TENM4: variants seen among roughly 807,000 people sequenced by gnomAD.
TENM4 encodes teneurin transmembrane protein 4, also known as teneurin-4.
TENM4 carries 82 observed loss-of-function variants against 243.3 expected under a neutral mutation model. The ratio of observed to expected loss-of-function variants is 0.34; its 90% CI spans 0.28 to 0.40. The LOEUF is 0.40. TENM4 is among the 10% of genes least tolerant of loss of function. The pLI is 1.00. For missense variants in TENM4, 3,138 were observed against 3,673.3 expected (o/e 0.85, Z 3.77); for synonymous variants, 1,412 against 1,456.3 (o/e 0.97, Z 0.69).
chr11:79,022,167 C>T (rs536038297), intron 6 of TENM4, among the ~76,000 whole-genome samples: 1 of 152,176 alleles, frequency 6.6e-6, no homozygotes, highest in South Asian at 2.1e-4. Context: ...TCACATCAGG[C>T]ACTGTGTTTC....
intron 7 of TENM4, among the ~76,000 whole-genome samples, chr11:78,900,524 G>A (rs1197947303): frequency 6.6e-6 from 1 of 152,174 alleles, no homozygotes; most frequent in Non-Finnish European, 1.5e-5. Context: ...TCCACAGGGT[G>A]GATATGGAGA....
At chr11:79,433,095 C>T (rs763089770) in intron 1 of TENM4, among the ~76,000 whole-genome samples, 1 of 152,096 alleles carries the variant, frequency 6.6e-6, no homozygotes, top group South Asian at 2.1e-4. Flanking sequence ...TGGGCACATC[C>T]CTTTATAGTG....
intron 1 of TENM4, among the ~76,000 whole-genome samples, chr11:79,425,574 T>C (rs568218371): frequency 6.6e-6 from 1 of 152,322 alleles, no homozygotes; most frequent in Admixed American, 6.5e-5. Context: ...ATTCAAATCC[T>C]GGCAACACTA....
intron 3 of TENM4, among the ~76,000 whole-genome samples, chr11:79,171,822 T>C (rs1328967918): frequency 6.6e-6 from 1 of 152,256 alleles, no homozygotes; most frequent in Non-Finnish European, 1.5e-5. Flanking sequence ...ATTTTCCATT[T>C]ACTGTTTTTC....
In TENM4 at chr11:79,148,809, G is replaced by A. The variant is rs1214996032; in HGVS notation, c.-162-3C>T. ...GACACATGGTAATTTCAGTCTACCT[G>A]TTGAAAGAGACAAGAGACAAATCAG... is the stretch of plus-strand genomic sequence containing the variant. On this transcript the variant is annotated splice_region_variant and splice_polypyrimidine_tract_variant and intron_variant, in intron 3 of 33. Transcript: ENST00000278550. 8.3e-6 allele frequency: 8 copies of A among 965,294 alleles called. No homozygotes were observed. Among genetic ancestry groups the A allele is most frequent in the Non-Finnish European group, 9.9e-6 (8 of 811,772 alleles). The allele number at this position is 965,294 out of a possible 1,614,324, so 59.8% of individuals were successfully genotyped here. A position where few individuals can be genotyped will look rare whatever the true frequency, so the allele number is the denominator to read the frequency against.
chr11:79,072,095 T>C (rs1158021003), intron 4 of TENM4, among the ~76,000 whole-genome samples: 2 of 152,176 alleles, frequency 1.3e-5, no homozygotes, highest in Admixed American at 1.3e-4. Flanking sequence ...GATAGTCCTC[T>C]GAGTGTCTGA....
At chr11:79,387,420 A>C (rs1165535827) in intron 1 of TENM4, among the ~76,000 whole-genome samples, 2 of 152,210 alleles carry the variant, frequency 1.3e-5, no homozygotes, top group Admixed American at 1.3e-4. Context: ...TATACACACA[A>C]ACTTGGCTGT....
At chr11:79,361,171 C>T (rs138208664) in intron 1 of TENM4, among the ~76,000 whole-genome samples, 9 of 152,072 alleles carry the variant, frequency 5.9e-5, no homozygotes, top group African/African-American at 2.2e-4. Context: ...TCAGTGCCAC[C>T]CCTCTGCAGA....
chr11:79,386,737 G>A (rs12285387), intron 1 of TENM4, among the ~76,000 whole-genome samples: 14,977 of 148,214 alleles, frequency 0.1, 788 homozygotes, highest in East Asian at 0.13. Flanking sequence ...AATGAACACG[G>A]CCGTTGAGTT....
In TENM4 at chr11:78,676,398, G is replaced by C. The variant is rs1228324569; in HGVS notation, c.5261-11C>G. 10 of 1,583,742 alleles carry C rather than the reference G, an allele frequency of 6.3e-6. No homozygotes were observed. The highest frequency in any genetic ancestry group is 7.8e-6 in the Non-Finnish European group (9 of 1,157,424). On this transcript the variant is annotated splice_polypyrimidine_tract_variant and intron_variant, in intron 29 of 33. Transcript: ENST00000278550. ...TGTTCCGGACTTGGTCTGCAGGAGA[G>C]GACAAGCACAGACTGCTCAGAAGGA...
chr11:79,414,826 A>T (rs1423607170), intron 1 of TENM4, among the ~76,000 whole-genome samples: 1 of 152,160 alleles, frequency 6.6e-6, no homozygotes, highest in African/African-American at 2.4e-5. Context: ...AAATGTCAAA[A>T]CCTTGGCCGG....
rs139707275 is a variant in TENM4, at chr11:79,219,027, T to C, written c.-264-3118A>G. ...AAGACATAGCCACGGAGAACTATAA[T>C]GTTTGGCAGTTTTGTAAGAGAGATG... is the stretch of plus-strand genomic sequence containing the variant. On this transcript the variant is annotated intron_variant, in intron 2 of 33. Transcript: ENST00000278550. Among the ~76,000 whole-genome samples the C allele has an allele frequency of 5.3e-5, 8 of 152,296 alleles. No individual in the cohort carries two copies. In the East Asian group the frequency reaches 1.2e-3, roughly 22 times the overall value.
intron 1 of TENM4, among the ~76,000 whole-genome samples, chr11:79,346,794 T>C (rs79582929): frequency 0.02 from 3,044 of 152,166 alleles, 102 homozygotes; most frequent in African/African-American, 0.07. Flanking sequence ...TAAACCATTT[T>C]CCCCCAACTG....
At chr11:79,099,938 C>T (rs545506199) in intron 4 of TENM4, among the ~76,000 whole-genome samples, 1 of 152,330 alleles carries the variant, frequency 6.6e-6, no homozygotes, top group Non-Finnish European at 1.5e-5. Context: ...CAGCCATTTG[C>T]TGCCCCAAGT....
At chr11:78,760,146 G>C (rs1856398309) in intron 18 of TENM4, among the ~76,000 whole-genome samples, 1 of 152,136 alleles carries the variant, frequency 6.6e-6, no homozygotes, top group African/African-American at 2.4e-5. Context: ...CATTATCCCA[G>C]GGCCCAGACC....
intron 6 of TENM4, among the ~76,000 whole-genome samples, chr11:79,031,403 G>A (rs1859234006): frequency 6.6e-6 from 1 of 152,112 alleles, no homozygotes; most frequent in Non-Finnish European, 1.5e-5. Flanking sequence ...TCTGAACCTG[G>A]GAATTTAAAG....
At chr11:78,946,923 G>A (rs1427964542) in intron 6 of TENM4, among the ~76,000 whole-genome samples, 1 of 152,238 alleles carries the variant, frequency 6.6e-6, no homozygotes, top group Non-Finnish European at 1.5e-5. Flanking sequence ...AGCAAAGAGA[G>A]TGGTTTCTTG....
chr11:78,850,061 C>CTCTCTGTG (rs1555089896), intron 12 of TENM4, among the ~76,000 whole-genome samples: 3 of 149,788 alleles, frequency 2.0e-5, no homozygotes, highest in African/African-American at 7.4e-5. Flanking sequence ...TTTCAGTGCT[C>CTCTCTGTG]TGTGTGTGTG....
chr11:78,946,930 C>T (rs1351677159), intron 6 of TENM4, among the ~76,000 whole-genome samples: 1 of 152,134 alleles, frequency 6.6e-6, no homozygotes, highest in Non-Finnish European at 1.5e-5. Flanking sequence ...AGAGTGGTTT[C>T]TTGTGATGGA....
Sources: allele counts gnomAD v4.1 joint callset (sites outside exome capture counted in the v4.1 genomes callset), GRCh38; gene constraint gnomAD v4.1.1; transcripts MANE v1.5; gene names NCBI Gene and HGNC (gene_info 2026-07-23, HGNC 2026-07-21).